TTC29: variants seen among roughly 807,000 people sequenced by gnomAD.
The protein encoded by TTC29 is tetratricopeptide repeat protein 29.
A neutral mutation model predicts 58.1 loss-of-function variants in TTC29; 49 were observed. The observed-to-expected ratio is 0.84, with a 90% CI of 0.67 to 1.07. TTC29 has a LOEUF of 1.07. Ranked by LOEUF, TTC29 falls within the 50% of genes least tolerant of loss-of-function variation. The pLI, the probability that TTC29 is intolerant of heterozygous loss-of-function variation, is 0.00. For missense variants in TTC29, 582 were observed against 555.6 expected (o/e 1.05, Z -0.48); for synonymous variants, 209 against 196.8 (o/e 1.06, Z -0.52).
At chr4:146,815,681 G>A (rs760445898) in intron 10 of TTC29, among the ~76,000 whole-genome samples, 20 of 152,116 alleles carry the variant, frequency 1.3e-4, no homozygotes, top group Non-Finnish European at 2.8e-4. Context: ...TAAGTTGTTA[G>A]AAGAAAAAAT....
intron 4 of TTC29, among the ~76,000 whole-genome samples, chr4:146,931,838 G>A (rs1244678289): frequency 6.6e-6 from 1 of 152,106 alleles, no homozygotes; most frequent in East Asian, 1.9e-4. Context: ...TGGTTTTGGT[G>A]AAAATTTGAG....
At chr4:146,741,753 C>T (rs937335486) in intron 11 of TTC29, among the ~76,000 whole-genome samples, 15 of 152,140 alleles carry the variant, frequency 9.9e-5, no homozygotes, top group African/African-American at 3.6e-4. Context: ...TTCTCATGAG[C>T]CTTTGCCCTT....
intron 10 of TTC29, among the ~76,000 whole-genome samples, chr4:146,810,695 A>G (rs1394703684): frequency 6.8e-6 from 1 of 147,596 alleles, no homozygotes; most frequent in Non-Finnish European, 1.5e-5. Flanking sequence ...GGTTCAAGCG[A>G]TTCTCCTGCC....
At position 146,707,013 on chromosome 4, in the gene TTC29, A is replaced by G; in HGVS notation, c.*145T>C. The G allele has an allele frequency of 2.1e-6, 1 of 479,270 alleles. No individual in the cohort carries two copies. Among genetic ancestry groups the G allele is most frequent in the Admixed American group, 4.1e-5 (1 of 24,350 alleles). 29.7% of individuals were successfully genotyped at this position (479,270 alleles called of 1,614,324 possible). On this transcript the variant is annotated 3_prime_UTR_variant, in exon 13 of 13. Transcript: ENST00000325106. ...TTTTGGATTAAATTTATAGTAACAC[A>G]CTGAAATGCAAAATCCAATGAAAAG...
chr4:146,870,460 TCAAA>T (rs1474643267), intron 7 of TTC29, among the ~76,000 whole-genome samples: 1 of 150,796 alleles, frequency 6.6e-6, no homozygotes, highest in Non-Finnish European at 1.5e-5. Context: ...TACACTCAAA[TCAAA>T]CAGAGGGAAG....
chr4:146,909,349 T>A, intron 4 of TTC29, 100 bp from the exon 5 acceptor site: 3 of 915,734 alleles, frequency 3.3e-6, no homozygotes, highest in Non-Finnish European at 4.9e-6. Context: ...CATGTTGCCT[T>A]TTATCCCTCA....
intron 11 of TTC29, among the ~76,000 whole-genome samples, chr4:146,714,648 A>G (rs1742793170): frequency 6.6e-6 from 1 of 152,142 alleles, no homozygotes; most frequent in South Asian, 2.1e-4. Flanking sequence ...CACTGAAAAT[A>G]TCTTTTAAAA....
intron 6 of TTC29, among the ~76,000 whole-genome samples, chr4:146,881,857 C>T (rs1731648253): frequency 6.6e-6 from 1 of 152,006 alleles, no homozygotes; most frequent in African/African-American, 2.4e-5. Flanking sequence ...AATAGCATCC[C>T]TAATACACTG....
intron 11 of TTC29, among the ~76,000 whole-genome samples, chr4:146,755,633 A>G (rs1180236107): frequency 6.6e-6 from 1 of 152,136 alleles, no homozygotes; most frequent in African/African-American, 2.4e-5. Context: ...TCAAGAAGTA[A>G]TAGGTAAGTA....
At chr4:146,835,589 G>C (rs1273267051) in intron 8 of TTC29, among the ~76,000 whole-genome samples, 1 of 152,112 alleles carries the variant, frequency 6.6e-6, no homozygotes, top group African/African-American at 2.4e-5. Context: ...TTAGACCGTA[G>C]GATCTTAAGT....
chr4:146,749,059 T>C (rs1745767220), intron 11 of TTC29, among the ~76,000 whole-genome samples: 1 of 152,058 alleles, frequency 6.6e-6, no homozygotes, highest in Admixed American at 6.6e-5. Context: ...GGCTCATGCC[T>C]GTAATCCCAG....
At position 146,939,892 on chromosome 4, in the gene TTC29, T is replaced by G. The variant is rs779976826; in HGVS notation, c.4A>C (p.Thr2Pro). The change falls in exon 3 of 13, where the codon ACC becomes CCC. Residue 2 changes from threonine to proline, a missense_variant. Transcript: ENST00000325106. ...GTCATGGGCAGTGGGGGCAGGGTGG[T>G]CATTTCGGACTACAAAAAGAAATAA... is the stretch of plus-strand genomic sequence containing the variant. M[T>P]TLPPLPMTRP... 1 of 1,610,010 alleles carries G rather than the reference T, an allele frequency of 6.2e-7. No individual in the cohort carries two copies. The highest frequency in any genetic ancestry group is 8.5e-7 in the Non-Finnish European group (1 of 1,178,732).
intron 11 of TTC29, among the ~76,000 whole-genome samples, chr4:146,741,576 T>G (rs1203811227): frequency 6.6e-6 from 1 of 152,132 alleles, no homozygotes; most frequent in Non-Finnish European, 1.5e-5. Context: ...TTCCCTAGAT[T>G]ATTGCAATAA....
intron 4 of TTC29, among the ~76,000 whole-genome samples, chr4:146,935,838 G>A (rs1241906013): frequency 6.6e-6 from 1 of 152,216 alleles, no homozygotes. Flanking sequence ...GCTATAAAGA[G>A]TTTGATGCAG....
chr4:146,833,872 G>A lies in TTC29; in HGVS notation c.911C>T (p.Ser304Phe), dbSNP rs749033688. ...ACTGAGATCATCATCCAGGTCTGTGGAGATTTTACAGTAAGTGTCAAGGAC... is the reference window on the plus strand; with the variant it reads ...ACTGAGATCATCATCCAGGTCTGTGAAGATTTTACAGTAAGTGTCAAGGAC... ...LTVLDTYCKI[S>F]TDLDDDLSLG... Residue 304 changes from serine to phenylalanine, a missense_variant, in exon 9 of 13, where the codon TCC becomes TTC. By Grantham distance (155) the Ser-to-Phe change is radical. Transcript: ENST00000325106. 1 of 1,613,038 alleles carries A rather than the reference G, an allele frequency of 6.2e-7. No homozygotes were observed. Among genetic ancestry groups the A allele is most frequent in the Non-Finnish European group, 8.5e-7 (1 of 1,179,370 alleles).
At chr4:146,791,144 A>C (rs1749418609) in intron 11 of TTC29, among the ~76,000 whole-genome samples, 1 of 152,218 alleles carries the variant, frequency 6.6e-6, no homozygotes, top group Non-Finnish European at 1.5e-5. Flanking sequence ...TCCATTTATA[A>C]GTATTTCAAA....
intron 11 of TTC29, among the ~76,000 whole-genome samples, chr4:146,787,770 A>T (rs1561125144): frequency 6.6e-6 from 1 of 152,112 alleles, no homozygotes; most frequent in Admixed American, 6.5e-5. Flanking sequence ...AAAGATGAAA[A>T]GTGTTTTCTG....
intron 4 of TTC29, among the ~76,000 whole-genome samples, chr4:146,929,356 C>G (rs1276709095): frequency 6.6e-6 from 1 of 151,742 alleles, no homozygotes; most frequent in Non-Finnish European, 1.5e-5. Context: ...ATGCCTTGCC[C>G]TTGTCCCCAG....
intron 4 of TTC29, among the ~76,000 whole-genome samples, chr4:146,922,563 A>G (rs1027265970): frequency 7.2e-5 from 11 of 151,772 alleles, no homozygotes; most frequent in African/African-American, 2.7e-4. Flanking sequence ...CTTTACATGT[A>G]ATTAGCCTAT....
Sources: allele counts gnomAD v4.1 joint callset (sites outside exome capture counted in the v4.1 genomes callset), GRCh38; gene constraint gnomAD v4.1.1; transcripts MANE v1.5; gene names NCBI Gene and HGNC (gene_info 2026-07-23, HGNC 2026-07-21).